EDIL3: variants seen among roughly 807,000 people sequenced by gnomAD.
The protein encoded by EDIL3 is EGF like and discoidin domains 3.
A neutral mutation model predicts 67.4 loss-of-function variants in EDIL3; 37 were observed. The ratio of observed to expected loss-of-function variants is 0.55; its 90% CI spans 0.42 to 0.72. EDIL3 has a LOEUF of 0.72. Among genes scored for constraint, EDIL3 ranks in the 30% least tolerant of loss-of-function variants. The pLI is 0.00. For synonymous variants in EDIL3, 195 were observed against 196.3 expected, an observed-to-expected ratio of 0.99 and a Z score of 0.05; for missense variants, 527 against 586.3, an observed-to-expected ratio of 0.90 and a Z score of 1.04.
chr5:84,208,271 T>TA (rs978942078), intron 3 of EDIL3, among the ~76,000 whole-genome samples: 1 of 152,128 alleles, frequency 6.6e-6, no homozygotes, highest in African/African-American at 2.4e-5. Context: ...AGAAGACATT[T>TA]ATGCAGCCAA....
chr5:84,066,311 C>G, intron 7 of EDIL3, 140 bp downstream of exon 7: 1 of 922,032 alleles, frequency 1.1e-6, no homozygotes, highest in Middle Eastern at 3.4e-4. Context: ...TCCTTCATCA[C>G]ACTAGCCCAA....
At chr5:84,052,270 G>C (rs1746354895) in intron 9 of EDIL3, among the ~76,000 whole-genome samples, 1 of 152,206 alleles carries the variant, frequency 6.6e-6, no homozygotes, top group South Asian at 2.1e-4. Context: ...GAGAGATTTT[G>C]TCACCATCAG....
chr5:84,384,136 G>A (rs920380216), intron 1 of EDIL3, among the ~76,000 whole-genome samples, 172 bp downstream of exon 1: 2 of 152,188 alleles, frequency 1.3e-5, no homozygotes, highest in East Asian at 3.9e-4. Context: ...ACTCTGCTCA[G>A]ACTTTACAAG....
chr5:84,037,993 T>C (rs1190537866), intron 9 of EDIL3, among the ~76,000 whole-genome samples: 1 of 89,598 alleles, frequency 1.1e-5, no homozygotes, highest in Non-Finnish European at 2.5e-5. Flanking sequence ...TTCTTGTTTT[T>C]TTTTTTTTTT....
At chr5:83,989,279 AGGTCTGGAATCTCCCTGATGTCTTATTGT>A (rs1158286141) in intron 9 of EDIL3, among the ~76,000 whole-genome samples, 1 of 152,150 alleles carries the variant, frequency 6.6e-6, no homozygotes, top group Non-Finnish European at 1.5e-5. Context: ...CATTAGATAA[AGGTCTGGAATCTCCCTGATGTCTTATTGT>A]CCCCTGCCCC....
At chr5:84,055,722 C>G (rs1191171506) in intron 9 of EDIL3, among the ~76,000 whole-genome samples, 3 of 152,198 alleles carry the variant, frequency 2.0e-5, no homozygotes, top group Non-Finnish European at 4.4e-5. Flanking sequence ...CTCACCATCA[C>G]TGGCCATCAG....
intron 4 of EDIL3, among the ~76,000 whole-genome samples, chr5:84,169,629 C>T (rs113815359): frequency 1.2e-3 from 180 of 149,994 alleles, no homozygotes; most frequent in African/African-American, 4.1e-3. Context: ...TTAAATGGGT[C>T]ATCTAGTATG....
chr5:84,134,632 C>A (rs1748056288), intron 5 of EDIL3, among the ~76,000 whole-genome samples: 1 of 152,118 alleles, frequency 6.6e-6, no homozygotes, highest in South Asian at 2.1e-4. Flanking sequence ...TTTCTAAAAT[C>A]TCTTAAGAGA....
intron 7 of EDIL3, 87 bp from the exon 8 acceptor site, chr5:84,064,931 T>C: frequency 7.1e-7 from 1 of 1,414,754 alleles, no homozygotes; most frequent in Non-Finnish European, 9.3e-7. Context: ...TTATCGAAAA[T>C]AATTGTTCGA....
At chr5:84,342,098 A>T (rs1413691908) in intron 1 of EDIL3, among the ~76,000 whole-genome samples, 1 of 152,140 alleles carries the variant, frequency 6.6e-6, no homozygotes, top group Non-Finnish European at 1.5e-5. Flanking sequence ...AAGATACGGA[A>T]TCAATGTAAG....
chr5:84,147,093 T>A (rs541270797), intron 4 of EDIL3, among the ~76,000 whole-genome samples: 3 of 152,076 alleles, frequency 2.0e-5, no homozygotes, highest in Non-Finnish European at 4.4e-5. Flanking sequence ...GCTCTTTGTA[T>A]AGTTTATAAT....
intron 3 of EDIL3, among the ~76,000 whole-genome samples, chr5:84,208,167 C>A (rs1744026928): frequency 6.6e-6 from 1 of 152,080 alleles, no homozygotes; most frequent in Non-Finnish European, 1.5e-5. Flanking sequence ...GGGCTAATAT[C>A]CAGAATCTAC....
intron 3 of EDIL3, among the ~76,000 whole-genome samples, chr5:84,199,224 C>T (rs1404798676): frequency 6.6e-6 from 1 of 151,840 alleles, no homozygotes; most frequent in African/African-American, 2.4e-5. Flanking sequence ...TTTGTTTTTG[C>T]CTTTGTCCTA....
intron 3 of EDIL3, among the ~76,000 whole-genome samples, chr5:84,224,153 C>T (rs1231624624): frequency 4.0e-5 from 6 of 151,444 alleles, no homozygotes; most frequent in South Asian, 4.2e-4. Flanking sequence ...TTTTAACCAG[C>T]GACTTATTGT....
chr5:84,278,807 AC>A (rs143128917), intron 1 of EDIL3, among the ~76,000 whole-genome samples: 13,046 of 151,794 alleles, frequency 0.086, 645 homozygotes, highest in Middle Eastern at 0.17. Flanking sequence ...CCCCATCCTG[AC>A]TCCTCCTGTT....
At chr5:84,382,748 C>A (rs184074727) in intron 1 of EDIL3, among the ~76,000 whole-genome samples, 1 of 152,310 alleles carries the variant, frequency 6.6e-6, no homozygotes, top group African/African-American at 2.4e-5. Context: ...ACTACTGGAA[C>A]CATTACCATT....
At chr5:84,227,239 G>A (rs1398516260) in intron 3 of EDIL3, among the ~76,000 whole-genome samples, 1 of 151,362 alleles carries the variant, frequency 6.6e-6, no homozygotes, top group Non-Finnish European at 1.5e-5. Flanking sequence ...AAATCAACAA[G>A]GAAAAAAACA....
intron 9 of EDIL3, among the ~76,000 whole-genome samples, chr5:83,968,010 A>G (rs1399081893): frequency 6.6e-6 from 1 of 152,158 alleles, no homozygotes; most frequent in Non-Finnish European, 1.5e-5. Context: ...TAACTAGCAC[A>G]GTATTTGAAA....
intron 5 of EDIL3, among the ~76,000 whole-genome samples, chr5:84,128,378 C>T (rs953240754): frequency 6.6e-6 from 1 of 152,098 alleles, no homozygotes; most frequent in African/African-American, 2.4e-5. Flanking sequence ...GCTATAATTT[C>T]CCCATTGTGA....
Sources: allele counts gnomAD v4.1 joint callset (sites outside exome capture counted in the v4.1 genomes callset), GRCh38; gene constraint gnomAD v4.1.1; transcripts MANE v1.5; gene names NCBI Gene and HGNC (gene_info 2026-07-23, HGNC 2026-07-21).